Variants in ENTREP2 observed in about 807,000 individuals in gnomAD.
ENTREP2 encodes protein ENTREP2.
the ENTREP2 span, among the ~76,000 whole-genome samples, chr15:29,448,013 C>T: frequency 1.1e-3 from 161 of 152,008 alleles, 1 homozygote; most frequent in Middle Eastern, 3.4e-3. Context: ...CTGCAGTGAG[C>T]GGGATTGAGT....
chr15:29,503,890 C>T, the ENTREP2 span, among the ~76,000 whole-genome samples: 1 of 151,908 alleles, frequency 6.6e-6, no homozygotes, highest in African/African-American at 2.4e-5. Context: ...AATAAATATC[C>T]ACTGTCATGA....
At chr15:29,675,164 G>C in the ENTREP2 span, 1 of 152,756 alleles carries the variant, frequency 6.5e-6, no homozygotes, top group Non-Finnish European at 1.5e-5. Flanking sequence ...CGCCTGCCAG[G>C]GTCGCCGAGC....
the ENTREP2 span, among the ~76,000 whole-genome samples, chr15:29,571,010 G>C: frequency 4.8e-5 from 7 of 145,428 alleles, no homozygotes; most frequent in South Asian, 1.5e-3. Flanking sequence ...TCCCCGGCCC[G>C]AGCGCGGGCG....
chr15:29,467,137 G>C, the ENTREP2 span, among the ~76,000 whole-genome samples: 1 of 152,078 alleles, frequency 6.6e-6, no homozygotes, highest in Non-Finnish European at 1.5e-5. Context: ...AGCTCCTCCA[G>C]AGGAACAGCA....
the ENTREP2 span, among the ~76,000 whole-genome samples, chr15:29,323,392 G>A: frequency 1.3e-5 from 2 of 152,120 alleles, no homozygotes; most frequent in Non-Finnish European, 2.9e-5. Context: ...CTGAACACAC[G>A]GAGGTTCCTG....
At chr15:29,441,071 CATCCACAA>C in the ENTREP2 span, among the ~76,000 whole-genome samples, 10 of 152,208 alleles carry the variant, frequency 6.6e-5, no homozygotes, top group Admixed American at 3.3e-4. Flanking sequence ...ACCAAGTGTC[CATCCACAA>C]ATGCGTGCAT....
the ENTREP2 span, among the ~76,000 whole-genome samples, chr15:29,350,977 T>A: frequency 0.41 from 62,650 of 151,986 alleles, 17,843 homozygotes; most frequent in African/African-American, 0.82. Context: ...ACACATACAT[T>A]TATACATTTC....
At chr15:29,284,908 A>G in the ENTREP2 span, among the ~76,000 whole-genome samples, 1 of 152,226 alleles carries the variant, frequency 6.6e-6, no homozygotes, top group Non-Finnish European at 1.5e-5. Flanking sequence ...TGCAAGTTAT[A>G]ACACAATTTT....
the ENTREP2 span, among the ~76,000 whole-genome samples, chr15:29,515,779 G>A: frequency 1.3e-5 from 2 of 152,204 alleles, no homozygotes; most frequent in Non-Finnish European, 2.9e-5. Context: ...CAGCCCAGGT[G>A]GCTAGTACAA....
chr15:29,269,214 ATCC>A, the ENTREP2 span: 24 of 1,613,998 alleles, frequency 1.5e-5, no homozygotes, highest in Non-Finnish European at 1.8e-5. Context: ...TCATCTCGGC[ATCC>A]TCCTCCACAG....
chr15:29,658,649 T>G, the ENTREP2 span, among the ~76,000 whole-genome samples: 2 of 149,800 alleles, frequency 1.3e-5, no homozygotes, highest in South Asian at 4.3e-4. Flanking sequence ...AACAAATCAA[T>G]AAAAAAAAAC....
the ENTREP2 span, among the ~76,000 whole-genome samples, chr15:29,173,856 TTATAA>T: frequency 8.4e-4 from 128 of 152,238 alleles, no homozygotes; most frequent in Non-Finnish European, 1.7e-3. Flanking sequence ...TTTAATTGCT[TTATAA>T]TATGTCTTAT....
At chr15:29,434,959 A>G in the ENTREP2 span, among the ~76,000 whole-genome samples, 1 of 152,052 alleles carries the variant, frequency 6.6e-6, no homozygotes, top group Non-Finnish European at 1.5e-5. Flanking sequence ...CTCCCAGGGA[A>G]TCTCAGCTAT....
the ENTREP2 span, among the ~76,000 whole-genome samples, chr15:29,127,569 T>C: frequency 2.6e-5 from 4 of 151,964 alleles, no homozygotes; most frequent in African/African-American, 9.7e-5. Context: ...CAGGGAAGGG[T>C]TGAGGGTCAC....
chr15:29,312,781 T>G, the ENTREP2 span, among the ~76,000 whole-genome samples: 1 of 152,114 alleles, frequency 6.6e-6, no homozygotes, highest in Non-Finnish European at 1.5e-5. Context: ...AATTAATAAC[T>G]CTACAATGGT....
At chr15:29,279,201 C>T in the ENTREP2 span, among the ~76,000 whole-genome samples, 1 of 152,120 alleles carries the variant, frequency 6.6e-6, no homozygotes, top group Admixed American at 6.5e-5. Flanking sequence ...TGACGTGTGC[C>T]ACCGCCACAC....
the ENTREP2 span, among the ~76,000 whole-genome samples, chr15:29,477,268 G>A: frequency 6.6e-6 from 1 of 152,154 alleles, no homozygotes; most frequent in Non-Finnish European, 1.5e-5. Context: ...AAGTAGAAGG[G>A]AGCACAAGGG....
chr15:29,367,431 C>G, the ENTREP2 span, among the ~76,000 whole-genome samples: 1 of 152,178 alleles, frequency 6.6e-6, no homozygotes, highest in Non-Finnish European at 1.5e-5. Context: ...CTGGGGGTGA[C>G]TGTCAAATAC....
At chr15:29,125,514 A>G in the ENTREP2 span, among the ~76,000 whole-genome samples, 1 of 152,048 alleles carries the variant, frequency 6.6e-6, no homozygotes, top group East Asian at 1.9e-4. Flanking sequence ...GCTGGGCAAG[A>G]CCATCGAGGG....
Sources: gnomAD v4.1 joint callset for allele counts (sites outside exome capture counted in the v4.1 genomes callset) on GRCh38, gnomAD v4.1.1 for gene constraint, MANE v1.5 for transcripts, NCBI Gene and HGNC (gene_info 2026-07-23, HGNC 2026-07-21) for gene names.